Variants in CFI observed in about 807,000 individuals in gnomAD.
CFI encodes complement factor I.
Under a neutral mutation model 78.8 loss-of-function variants are expected in CFI, and 66 were observed. The ratio of observed to expected loss-of-function variants is 0.84; its 90% CI spans 0.69 to 1.03. The LOEUF is 1.03. CFI is among the 50% of genes least tolerant of loss of function. The pLI, the probability that CFI is intolerant of heterozygous loss-of-function variation, is 0.00. For synonymous variants in CFI, 250 were observed against 232.6 expected (o/e 1.07, Z -0.68); for missense variants, 706 against 704.5 (o/e 1.00, Z -0.02).
chr4:109,800,321 G>GTGTT (rs1177703893), intron 1 of CFI, among the ~76,000 whole-genome samples: 1 of 48,774 alleles, frequency 2.1e-5, no homozygotes, highest in African/African-American at 7.8e-5. Context: ...TGGCTTCTCT[G>GTGTT]TTTTTTTTTT....
intron 1 of CFI, among the ~76,000 whole-genome samples, chr4:109,792,390 A>G (rs573494574): frequency 6.6e-6 from 1 of 152,296 alleles, no homozygotes; most frequent in South Asian, 2.1e-4. Context: ...AGCCTGGGCA[A>G]CATGGTGAAA....
chr4:109,760,148 A>T (rs952259773), intron 6 of CFI, 122 bp downstream of exon 6: 1 of 737,758 alleles, frequency 1.4e-6, no homozygotes, highest in African/African-American at 1.7e-5. Context: ...GCAAATGCCC[A>T]CTCAGTGTTC....
At chr4:109,764,358 G>A (rs532713319) in intron 3 of CFI, 179 bp downstream of exon 3, 17 of 690,214 alleles carry the variant, frequency 2.5e-5, no homozygotes, top group Non-Finnish European at 4.1e-5. Context: ...GTTGTCAGCA[G>A]GGTTCCAAGT....
chr4:109,752,907 T>C (rs1460264952), intron 7 of CFI, among the ~76,000 whole-genome samples: 1 of 123,008 alleles, frequency 8.1e-6, no homozygotes, highest in African/African-American at 3.1e-5. Flanking sequence ...ATTATATAAA[T>C]AAATATTTAT....
chr4:109,793,228 C>G (rs370720748), intron 1 of CFI, among the ~76,000 whole-genome samples: 46 of 152,266 alleles, frequency 3.0e-4, no homozygotes, highest in African/African-American at 1.1e-3. Flanking sequence ...TGAGAGCATA[C>G]AAAACTCTGT....
At chr4:109,736,756 A>G (rs1360913634), downstream of CFI, among the ~76,000 whole-genome samples, 1 of 152,172 alleles carries the variant, frequency 6.6e-6, no homozygotes, top group Non-Finnish European at 1.5e-5. Context: ...TAGTTCTTCT[A>G]ATTAGGGTTC....
chr4:109,769,960 G>A lies in CFI; in HGVS notation c.58-3136C>T, dbSNP rs149319328. On this transcript the variant is annotated intron_variant, in intron 1 of 12. Transcript: ENST00000394634. Reference sequence around the variant, plus strand: ...TCTCCTCAGACTTCAGGGAACACATGTCAAGCACTCCAAGGGAACCTGTGG... The same window carrying A: ...TCTCCTCAGACTTCAGGGAACACATATCAAGCACTCCAAGGGAACCTGTGG... Among the ~76,000 whole-genome samples the A allele has an allele frequency of 3.7e-3, 563 of 152,284 alleles. 6 individuals are homozygous for A. Among genetic ancestry groups the A allele is most frequent in the African/African-American group, 0.013 (532 of 41,564 alleles).
intron 1 of CFI, among the ~76,000 whole-genome samples, chr4:109,778,251 A>G (rs1729539966): frequency 6.6e-6 from 1 of 152,226 alleles, no homozygotes; most frequent in African/African-American, 2.4e-5. Flanking sequence ...CTAATAAAGA[A>G]GAAAAGAGAA....
At chr4:109,745,496 G>T (rs1036189714) in intron 11 of CFI, among the ~76,000 whole-genome samples, 5 of 152,170 alleles carry the variant, frequency 3.3e-5, no homozygotes, top group Non-Finnish European at 7.4e-5. Context: ...TGAAGGGAAA[G>T]GTGTTGACTA....
rs1417580210 is a variant in CFI, at chr4:109,782,281, G to C, written c.58-15457C>G. The stretch of plus-strand genomic sequence containing the variant: ...GATTGTTTACCCTGAAAACCCTAAA[G>C]ACTCCTCCAGAAAGCTCTAGAACTG... On this transcript the variant is annotated intron_variant, in intron 1 of 12. Coordinates refer to ENST00000394634, the MANE Select transcript of CFI (RefSeq NM_000204.5). Among the ~76,000 whole-genome samples, 3 of 151,986 alleles carry C rather than the reference G, an allele frequency of 2.0e-5. No individual in the cohort carries two copies. The East Asian group carries it at 5.8e-4, about 29-fold the overall frequency.
At chr4:109,760,670 T>G (rs776373631) in intron 4 of CFI, 34 bp from the exon 5 acceptor site, 7 of 1,228,476 alleles carry the variant, frequency 5.7e-6, no homozygotes, top group Admixed American at 1.7e-5. Context: ...TGAAATTTAT[T>G]TATGGAGTGG....
intron 1 of CFI, among the ~76,000 whole-genome samples, chr4:109,774,780 G>A (rs1729015948): frequency 6.6e-6 from 1 of 152,096 alleles, no homozygotes; most frequent in African/African-American, 2.4e-5. Flanking sequence ...CAATAAAAAA[G>A]GAATGACAGT....
At chr4:109,746,649 A>T (rs955780704) in intron 10 of CFI, 147 bp from the exon 11 acceptor site, 7 of 684,476 alleles carry the variant, frequency 1.0e-5, no homozygotes, top group Non-Finnish European at 1.7e-5. Context: ...AAGCAATGAG[A>T]TTAAATTTAC....
intron 11 of CFI, among the ~76,000 whole-genome samples, chr4:109,745,133 G>C (rs1724254306): frequency 1.3e-5 from 2 of 152,168 alleles, no homozygotes; most frequent in African/African-American, 4.8e-5. Context: ...GAGAATTTAA[G>C]ATGTTGAAAG....
At chr4:109,797,426 CA>C (rs1732192735) in intron 1 of CFI, among the ~76,000 whole-genome samples, 1 of 152,106 alleles carries the variant, frequency 6.6e-6, no homozygotes, top group African/African-American at 2.4e-5. Flanking sequence ...CAAATCAACT[CA>C]AAATGGATTA....
intron 1 of CFI, among the ~76,000 whole-genome samples, chr4:109,767,076 A>G (rs983566074): frequency 3.0e-4 from 46 of 152,220 alleles, no homozygotes; most frequent in Non-Finnish European, 6.2e-4. Context: ...CTGGCTAGAC[A>G]TATGGAGAAA....
At chr4:109,783,027 T>G (rs1372709419) in intron 1 of CFI, among the ~76,000 whole-genome samples, 1 of 151,898 alleles carries the variant, frequency 6.6e-6, no homozygotes, top group Non-Finnish European at 1.5e-5. Context: ...AAAAATCAAC[T>G]CAAGATGGAT....
Position 109,741,123 on chromosome 4 carries a change from TG to T in CFI, c.1535-14del. ...CCATCATATGTACCTAAGAAAGAAA[TG>T]TGAAAGAGAAAATCACACATTTCCT... On this transcript the variant is annotated splice_polypyrimidine_tract_variant and intron_variant, in intron 12 of 12. Transcript: ENST00000394634. 6.2e-7 allele frequency: 1 copy of T among 1,613,834 alleles called. No homozygotes were observed. The highest frequency in any genetic ancestry group is 8.5e-7 in the Non-Finnish European group (1 of 1,179,896).
At chr4:109,796,730 G>A (rs955369617) in intron 1 of CFI, among the ~76,000 whole-genome samples, 5 of 152,192 alleles carry the variant, frequency 3.3e-5, no homozygotes, top group African/African-American at 7.2e-5. Context: ...CACAGGAGGC[G>A]AAGACTGCAG....
Sources: allele counts gnomAD v4.1 joint callset (sites outside exome capture counted in the v4.1 genomes callset), GRCh38; gene constraint gnomAD v4.1.1; transcripts MANE v1.5; gene names NCBI Gene and HGNC (gene_info 2026-07-23, HGNC 2026-07-21).